CEP250: variants seen among roughly 807,000 people sequenced by gnomAD.
CEP250 encodes centrosome-associated protein CEP250.
Under a neutral mutation model 315.7 loss-of-function variants are expected in CEP250, and 242 were observed. The ratio of observed to expected loss-of-function variants is 0.77; its 90% CI spans 0.69 to 0.85. The LOEUF is 0.85. Among genes scored for constraint, CEP250 ranks in the 40% least tolerant of loss-of-function variants. The probability of loss-of-function intolerance (pLI) is 0.00; values close to 1 mark genes in which losing one functional copy is unlikely to be tolerated. For missense variants in CEP250, 2,515 were observed against 2,886.4 expected, an observed-to-expected ratio of 0.87 and a Z score of 2.95; for synonymous variants, 1,088 against 1,175.0, an observed-to-expected ratio of 0.93 and a Z score of 1.51.
chr20:35,481,460 T>G (rs1209744836), intron 20 of CEP250, among the ~76,000 whole-genome samples: 2 of 152,202 alleles, frequency 1.3e-5, no homozygotes, highest in African/African-American at 4.8e-5. Flanking sequence ...GCTCCCTAAT[T>G]TATAGGCTAT....
At chr20:35,477,591 G>T (rs1176802526) in intron 16 of CEP250, among the ~76,000 whole-genome samples, 1 of 152,170 alleles carries the variant, frequency 6.6e-6, no homozygotes, top group Non-Finnish European at 1.5e-5. Context: ...GAACCTCCTT[G>T]CAATCTCTGT....
chr20:35,479,123 A>C, intron 17 of CEP250, 108 bp from the exon 18 acceptor site: 1 of 1,096,004 alleles, frequency 9.1e-7, no homozygotes, highest in South Asian at 1.5e-5. Context: ...ATCCGGGCTC[A>C]CAGAGCTGGG....
intron 15 of CEP250, chr20:35,476,066 C>G: frequency 4.5e-6 from 1 of 222,234 alleles, no homozygotes; most frequent in Non-Finnish European, 9.0e-6. Context: ...CTCTGCACTA[C>G]TTCTTTCCTC....
chr20:35,490,405 G>A (rs2063652253), intron 20 of CEP250, among the ~76,000 whole-genome samples: 1 of 152,170 alleles, frequency 6.6e-6, no homozygotes, highest in Non-Finnish European at 1.5e-5. Flanking sequence ...ACTTCCACAT[G>A]TATTATATAA....
intron 14 of CEP250, 47 bp downstream of exon 14, chr20:35,474,099 A>C: frequency 7.1e-7 from 1 of 1,414,812 alleles, no homozygotes; most frequent in Non-Finnish European, 9.4e-7. Flanking sequence ...TCTTTCTTCA[A>C]TTCTACACCC....
chr20:35,465,420 CAAAAAAAAAAA>C (rs80078387), intron 5 of CEP250, among the ~76,000 whole-genome samples: 3 of 59,058 alleles, frequency 5.1e-5, no homozygotes, highest in Non-Finnish European at 1.1e-4. Flanking sequence ...ACTCTGTCTC[CAAAAAAAAAAA>C]AAAAAAAAAT....
intron 28 of CEP250, 59 bp from the exon 29 acceptor site, chr20:35,501,786 A>T: frequency 6.5e-7 from 1 of 1,527,734 alleles, no homozygotes; most frequent in Non-Finnish European, 8.8e-7. Context: ...ATATCCCTCT[A>T]TATCCCAAAC....
In CEP250 at chr20:35,502,782, G is replaced by A. The variant is rs1247320008; in HGVS notation, c.4413G>A (p.Glu1471=). 2 of 1,614,256 alleles carry A rather than the reference G, an allele frequency of 1.2e-6. No individual in the cohort carries two copies. The highest frequency in any genetic ancestry group is 8.5e-7 in the Non-Finnish European group (1 of 1,180,044). The stretch of plus-strand genomic sequence containing the variant: ...TGGACCTGAAGAAGAGGAACCAAGA[G>A]GTAGATCTGCAGCAAGAACAGATTC... ...LSLDLKKRNQ[E]VDLQQEQIQE... Residue 1471 remains glutamate (E), a synonymous_variant, in exon 30 of 35, where the codon GAG becomes GAA. Transcript: ENST00000397527.
rs762645568 is a variant in CEP250 at position 35,467,018 on chromosome 20, G to T, written c.545G>T (p.Arg182Leu). The change falls in exon 8 of 35, where the codon CGG becomes CTG. Residue 182 changes from arginine to leucine, a missense_variant. Arg to Leu is a moderately radical substitution (Grantham distance 102). Coordinates refer to ENST00000397527, the MANE Select transcript of CEP250 (RefSeq NM_007186.6). ...GEHGRLLSLW[R>L]EVVTFRRHFL... ...CACGGTCGCCTTCTCAGTCTATGGCGGGAGGTTGTGACATTCCGACGCCAC... is the reference window on the plus strand; with the variant it reads ...CACGGTCGCCTTCTCAGTCTATGGCTGGAGGTTGTGACATTCCGACGCCAC... 2 of 1,613,872 alleles carry T rather than the reference G, an allele frequency of 1.2e-6. No individual in the cohort carries two copies. The highest frequency in any genetic ancestry group is 2.2e-5 in the East Asian group (1 of 44,890).
Position 35,467,092 on chromosome 20 carries a change from G to T in CEP250, c.599+20G>T. 6.3e-7 allele frequency: 1 copy of T among 1,586,044 alleles called. No homozygotes were observed. The highest frequency in any genetic ancestry group is 1.1e-5 in the South Asian group (1 of 90,508). ...TGACAGGTCAGTGTGGGGAGAAGAA[G>T]GGAGGAGGTTTGCCCCTACCAATTC... is the stretch of plus-strand genomic sequence containing the variant. On this transcript the variant is annotated intron_variant, in intron 8 of 34. Coordinates refer to ENST00000397527, the MANE Select transcript of CEP250 (RefSeq NM_007186.6).
At chr20:35,456,114 C>G (rs2062617697) in intron 1 of CEP250, among the ~76,000 whole-genome samples, 1 of 152,160 alleles carries the variant, frequency 6.6e-6, no homozygotes, top group African/African-American at 2.4e-5. Flanking sequence ...AGGCTGATCT[C>G]GAACTCCCGA....
rs749883566 is a variant in CEP250 at position 35,490,700 on chromosome 20, AAAATGGAGCTGGAAATGAGGCT to A, written c.2654_2675del (p.Met885ArgfsTer50). ...GGCTCTGGAGAGCTTAGAAAGGGAA[AAAATGGAGCTGGAAATGAGGCT>A]AAAGGAGCAGCAGACAGAAATGGAG... On this transcript the variant is annotated frameshift_variant, in exon 21 of 35. Coordinates refer to ENST00000397527, the MANE Select transcript of CEP250 (RefSeq NM_007186.6). LOFTEE classifies it high-confidence loss of function. 6 of 1,613,922 alleles carry A rather than the reference AAAATGGAGCTGGAAATGAGGCT, an allele frequency of 3.7e-6. No homozygotes were observed. The highest frequency in any genetic ancestry group is 4.2e-6 in the Non-Finnish European group (5 of 1,179,932).
rs2064367463 is a variant in CEP250 at position 35,511,694 on chromosome 20, G to C, written c.*68G>C. On this transcript the variant is annotated 3_prime_UTR_variant, in exon 35 of 35. Coordinates refer to ENST00000397527, the MANE Select transcript of CEP250 (RefSeq NM_007186.6). ...GTCATGGCCCCTCCGCACACCTACAGGTTTGCCAAAGGAAAAGCCTGGCTC... is the reference window on the plus strand; with the variant it reads ...GTCATGGCCCCTCCGCACACCTACACGTTTGCCAAAGGAAAAGCCTGGCTC... 2.6e-6 allele frequency: 4 copies of C among 1,514,450 alleles called. No homozygotes were observed. In the East Asian group the frequency reaches 6.9e-5, roughly 26 times the overall value. 93.8% of individuals were successfully genotyped at this position (1,514,450 alleles called of 1,614,324 possible). A position where few individuals can be genotyped will look rare whatever the true frequency, so the allele number is the denominator to read the frequency against.
chr20:35,495,155 G>A (rs866335505), intron 24 of CEP250, among the ~76,000 whole-genome samples: 19 of 152,182 alleles, frequency 1.2e-4, no homozygotes, highest in Middle Eastern at 3.2e-3. Context: ...TGCAAAGGCC[G>A]TGAGGCAGAT....
chr20:35,504,050 C>T lies in CEP250; in HGVS notation c.5681C>T (p.Ala1894Val). The T allele has an allele frequency of 1.2e-6, 2 of 1,606,554 alleles. No homozygotes were observed. Among genetic ancestry groups the T allele is most frequent in the Non-Finnish European group, 1.7e-6 (2 of 1,175,760 alleles). Residue 1894 changes from alanine to valine, a missense_variant, in exon 30 of 35, where the codon GCT (alanine) becomes GTT (valine). Transcript: ENST00000397527. ...ALEEVLGDLRAESREQEKALL... is the reference protein window; with the variant it reads ...ALEEVLGDLRVESREQEKALL... ...GAGGAGGTGCTGGGAGACCTAAGGG[C>T]TGAGTCTCGGGAACAGGAGAAAGCT...
chr20:35,462,482 T>C lies in CEP250; in HGVS notation c.115T>C (p.Trp39Arg). 1 of 1,609,352 alleles carries C rather than the reference T, an allele frequency of 6.2e-7. No homozygotes were observed. The highest frequency in any genetic ancestry group is 1.1e-5 in the South Asian group (1 of 90,148). ...QQMAENQAAS[W>R]RKLKNSQEAQ... ...GATGGCAGAGAATCAGGCAGCCTCC[T>C]GGCGGAAGCTGAAGAACTCCCAGGA... Residue 39 changes from tryptophan to arginine, a missense_variant, in exon 4 of 35, where the codon TGG becomes CGG. Trp to Arg is a moderately radical substitution (Grantham distance 101). Transcript: ENST00000397527.
intron 20 of CEP250, among the ~76,000 whole-genome samples, chr20:35,489,858 T>C (rs1274556070): frequency 1.3e-5 from 2 of 152,190 alleles, no homozygotes; most frequent in Non-Finnish European, 2.9e-5. Context: ...GTTACAACTG[T>C]CAACCACAAT....
intron 12 of CEP250, 109 bp downstream of exon 12, chr20:35,472,940 C>T: frequency 9.2e-7 from 1 of 1,082,346 alleles, no homozygotes. Flanking sequence ...TTTGACCAGT[C>T]ATGAGGTGTT....
chr20:35,511,316 A>C, intron 34 of CEP250, 47 bp from the exon 35 acceptor site: 1 of 1,499,914 alleles, frequency 6.7e-7, no homozygotes, highest in Non-Finnish European at 9.0e-7. Context: ...GGACAACTTC[A>C]GGGCCCTCAG....
Sources: allele counts gnomAD v4.1 joint callset (sites outside exome capture counted in the v4.1 genomes callset), GRCh38; gene constraint gnomAD v4.1.1; transcripts MANE v1.5; gene names NCBI Gene and HGNC (gene_info 2026-07-23, HGNC 2026-07-21).